RPUSD1: variants seen among roughly 807,000 people sequenced by gnomAD.
The protein encoded by RPUSD1 is pseudouridylate synthase RPUSD1.
A neutral mutation model predicts 22.4 loss-of-function variants in RPUSD1; 28 were observed. That is an observed-to-expected ratio of 1.25 (90% CI 0.93 to 1.72). The LOEUF is 1.72. Ranked by LOEUF, RPUSD1 falls within the 40% of genes most tolerant of loss-of-function variation. The pLI, the probability that RPUSD1 is intolerant of heterozygous loss-of-function variation, is 0.00. For missense variants in RPUSD1, 596 were observed against 442.2 expected, an observed-to-expected ratio of 1.35 and a Z score of -3.12; for synonymous variants, 298 against 201.0, an observed-to-expected ratio of 1.48 and a Z score of -4.08.
At chr16:787,924 G>A in intron 1 of RPUSD1, 180 bp from the exon 2 acceptor site, 3 of 624,948 alleles carry the variant, frequency 4.8e-6, no homozygotes, top group South Asian at 1.9e-5. Flanking sequence ...CGTCAGCTGG[G>A]GAGTCAAGGA....
chr16:787,789 GC>G (rs1461322144), intron 1 of RPUSD1, 45 bp from the exon 2 acceptor site: 2 of 1,579,878 alleles, frequency 1.3e-6, no homozygotes, highest in South Asian at 2.2e-5. Context: ...CACGTGGTGC[GC>G]CCCCAGCCCA....
rs1232195622 is a variant in RPUSD1 at position 787,603 on chromosome 16, C to T, written c.135G>A (p.Arg45=). Residue 45 remains arginine (R), a synonymous_variant, in exon 2 of 6, where the codon CGG becomes CGA. Coordinates refer to ENST00000007264, the MANE Select transcript of RPUSD1 (RefSeq NM_058192.3). The stretch of plus-strand genomic sequence containing the variant: ...GGTCGGCCAGCTCGGGAAAGCGGTA[C>T]CGCAGCTGCTTCTGCAGGGTCAGAG... ...RETLTLQKQL[R]YRFPELADPD... The T allele has an allele frequency of 1.4e-5, 22 of 1,611,452 alleles. No homozygotes were observed. The highest frequency in any genetic ancestry group is 5.3e-5 in the African/African-American group (4 of 74,952).
In RPUSD1 at chr16:787,429, G is replaced by A. The variant is rs745960697; in HGVS notation, c.231C>T (p.Ala77=). The change falls in exon 3 of 6, where the codon GCC becomes GCT. Residue 77 remains alanine (A), a synonymous_variant. Coordinates refer to ENST00000007264, the MANE Select transcript of RPUSD1 (RefSeq NM_058192.3). The part of the protein sequence containing the change: ...DFSTSGALCV[A]LNKAAAGSAY... The stretch of plus-strand genomic sequence containing the variant: ...CGCTGCCGGCGGCTGCCTTGTTTAG[G>A]GCCACGCACAGCGCCCCGCTGGTGG... 5.1e-6 allele frequency: 8 copies of A among 1,583,932 alleles called. 1 individual carries two copies. The highest frequency in any genetic ancestry group is 1.8e-5 in the Admixed American group (1 of 56,688).
In RPUSD1 at chr16:785,831, A is replaced by G. The variant is rs2041883320; in HGVS notation, c.*119T>C. 3.2e-6 allele frequency: 3 copies of G among 949,708 alleles called. No individual in the cohort carries two copies. Among genetic ancestry groups the G allele is most frequent in the African/African-American group, 3.4e-5 (2 of 59,050 alleles). The allele number at this position is 949,708 out of a possible 1,614,324, so 58.8% of individuals were successfully genotyped here. Reference sequence around the variant, plus strand: ...CTCGCAGGCCTGGCCGGGGCAACCCAGTGGGCCTGATGCTGCCTGGCACCT... The same window carrying G: ...CTCGCAGGCCTGGCCGGGGCAACCCGGTGGGCCTGATGCTGCCTGGCACCT... On this transcript the variant is annotated 3_prime_UTR_variant, in exon 6 of 6. Transcript: ENST00000007264.
rs1221536285 is a variant in RPUSD1 at position 785,358 on chromosome 16, C to G, written c.*592G>C. 1 of 152,802 alleles carries G rather than the reference C, an allele frequency of 6.5e-6. No homozygotes were observed. Among genetic ancestry groups the G allele is most frequent in the Non-Finnish European group, 1.5e-5 (1 of 68,522 alleles). 9.5% of individuals were successfully genotyped at this position (152,802 alleles called of 1,614,324 possible). ...AGGCACACGCAGCCGGGCCTGCAGACTCGAGCCCAGCAGGGACCATTAGGT... is the reference window on the plus strand; with the variant it reads ...AGGCACACGCAGCCGGGCCTGCAGAGTCGAGCCCAGCAGGGACCATTAGGT... On this transcript the variant is annotated 3_prime_UTR_variant, in exon 6 of 6. Coordinates refer to ENST00000007264, the MANE Select transcript of RPUSD1 (RefSeq NM_058192.3).
chr16:788,286 G>A lies in RPUSD1; in HGVS notation c.-38C>T. 1 of 250,042 alleles carries A rather than the reference G, an allele frequency of 4.0e-6. No homozygotes were observed. The highest frequency in any genetic ancestry group is 7.8e-6 in the Non-Finnish European group (1 of 128,044). The allele number at this position is 250,042 out of a possible 1,614,324, so 15.5% of individuals were successfully genotyped here. The stretch of plus-strand genomic sequence containing the variant: ...GCCGGGCCGTGCAGTCCAGGCCCCC[G>A]ATGCCGTGCCCGGCGCCGGCTCCAG... On this transcript the variant is annotated 5_prime_UTR_variant, in exon 1 of 6. Coordinates refer to ENST00000007264, the MANE Select transcript of RPUSD1 (RefSeq NM_058192.3).
In RPUSD1 at chr16:786,909, T is replaced by C. The variant is rs775156049; in HGVS notation, c.429A>G (p.Pro143=). 6.2e-7 allele frequency: 1 copy of C among 1,613,006 alleles called. No homozygotes were observed. The highest frequency in any genetic ancestry group is 1.1e-5 in the South Asian group (1 of 91,074). ...CCAGAACCACGAGATCTGTGAGGCT[T>C]GGCTTTGGGTTCTCACAACCTGGGG... The part of the protein sequence containing the change: ...EGSQGCENPK[P]SLTDLVVLEH... Residue 143 remains proline (P), a synonymous_variant, in exon 5 of 6, where the codon CCA becomes CCG. Transcript: ENST00000007264.
intron 5 of RPUSD1, 45 bp downstream of exon 5, chr16:786,782 G>A (rs1165428123): frequency 1.3e-6 from 2 of 1,518,380 alleles, no homozygotes; most frequent in South Asian, 1.1e-5. Context: ...CTGTGCCTCA[G>A]TTTCCCTTCT....
rs779083867 is a variant in RPUSD1, at chr16:787,548, C to G, written c.182+8G>C. 1 of 1,609,418 alleles carries G rather than the reference C, an allele frequency of 6.2e-7. No homozygotes were observed. The highest frequency in any genetic ancestry group is 8.5e-7 in the Non-Finnish European group (1 of 1,179,172). On this transcript the variant is annotated splice_region_variant and intron_variant, in intron 2 of 5. Transcript: ENST00000007264. ...ACGCCACCGTGGGGCTCCGGCCGCC[C>G]CCCCTACCTGAACCCGTAGCAGGTG... is the stretch of plus-strand genomic sequence containing the variant.
chr16:786,848 C>T lies in RPUSD1; in HGVS notation c.490G>A (p.Val164Met). The T allele has an allele frequency of 1.2e-6, 2 of 1,613,230 alleles. No individual in the cohort carries two copies. The highest frequency in any genetic ancestry group is 1.1e-5 in the South Asian group (1 of 91,080). ...GLYAGDPVSK[V>M]LLKPLTGRTH... ...ACACCCGTGAGCGGCTTCAGCAGCA[C>T]TTTGGAGACAGGATCGCCTGCGTAC... The change falls in exon 5 of 6, where the codon GTG becomes ATG. Residue 164 changes from valine to methionine, a missense_variant. Physicochemically the swap from Val to Met is conservative, Grantham distance 21 (BLOSUM62 1). Transcript: ENST00000007264.
chr16:785,297 C>T lies in RPUSD1; in HGVS notation c.*653G>A, dbSNP rs2041864167. 1 of 152,546 alleles carries T rather than the reference C, an allele frequency of 6.6e-6. No homozygotes were observed. The highest frequency in any genetic ancestry group is 2.4e-5 in the African/African-American group (1 of 41,480). 9.4% of individuals were successfully genotyped at this position (152,546 alleles called of 1,614,324 possible). The stretch of plus-strand genomic sequence containing the variant: ...CCAAACACCACACTGAGCTCAGAAT[C>T]CGGGCAGAGAGGGAACCACTGGTAC... On this transcript the variant is annotated 3_prime_UTR_variant, in exon 6 of 6. Transcript: ENST00000007264.
Position 786,224 on chromosome 16 carries a change from A to T in RPUSD1, c.665T>A (p.Val222Glu). ...YLRIPTDTEC[V>E]EVCTPDPFLP... is the part of the protein sequence containing the mutation. ...GAAGGGGTCAGGCGTGCAGACCTCCACACACTCGGTGTCCGTGGGGATGCG... is the reference window on the plus strand; with the variant it reads ...GAAGGGGTCAGGCGTGCAGACCTCCTCACACTCGGTGTCCGTGGGGATGCG... Residue 222 changes from valine (V) to glutamate (E), a missense_variant, in exon 6 of 6, where the codon GTG (valine) becomes GAG (glutamate). Transcript: ENST00000007264. 6.2e-7 allele frequency: 1 copy of T among 1,612,740 alleles called. No homozygotes were observed. Among genetic ancestry groups the T allele is most frequent in the Non-Finnish European group, 8.5e-7 (1 of 1,179,920 alleles).
rs377217102 is a variant in RPUSD1 at position 787,691 on chromosome 16, C to T, written c.47G>A (p.Arg16His). 2.5e-6 allele frequency: 4 copies of T among 1,612,052 alleles called. No homozygotes were observed. Among genetic ancestry groups the T allele is most frequent in the Non-Finnish European group, 3.4e-6 (4 of 1,179,928 alleles). Residue 16 changes from arginine to histidine, a missense_variant, in exon 2 of 6, where the codon CGC becomes CAC. By Grantham distance (29) the Arg-to-His change is conservative (BLOSUM62 0). Transcript: ENST00000007264. Reference protein sequence around the residue: ...VENLSIVYRSRDFLVVNKHWD... With the variant: ...VENLSIVYRSHDFLVVNKHWD... ...GTGCTTGTTGACCACCAGGAAGTCG[C>T]GGCTCCGGTACACGATGGACAGGTT...
Position 786,861 on chromosome 16 carries a change from A to G in RPUSD1, c.477T>C (p.Asp159=), listed in dbSNP as rs1486360495. 1.2e-6 allele frequency: 2 copies of G among 1,613,158 alleles called. No homozygotes were observed. The highest frequency in any genetic ancestry group is 8.5e-7 in the Non-Finnish European group (1 of 1,179,994). The change falls in exon 5 of 6, where the codon GAT becomes GAC. Residue 159 remains aspartate (D), a synonymous_variant. Coordinates refer to ENST00000007264, the MANE Select transcript of RPUSD1 (RefSeq NM_058192.3). ...VVLEHGLYAG[D]PVSKVLLKPL... ...GCTTCAGCAGCACTTTGGAGACAGG[A>G]TCGCCTGCGTACAGCCCGTGTTCCA...
At position 786,832 on chromosome 16, in the gene RPUSD1, AG is replaced by A; in HGVS notation, c.505del (p.Leu169SerfsTer23). On this transcript the variant is annotated frameshift_variant, in exon 5 of 6. Coordinates refer to ENST00000007264, the MANE Select transcript of RPUSD1 (RefSeq NM_058192.3). LOFTEE classifies it low-confidence loss of function (END_TRUNC). ...ACCGCCCACCCCAGACACACCCGTG[AG>A]CGGCTTCAGCAGCACTTTGGAGACA... ...DPVSKVLLKP[L>X]TGRTHQLRVH... is the part of the protein sequence containing the mutation. The A allele has an allele frequency of 6.2e-7, 1 of 1,612,246 alleles. No individual in the cohort carries two copies. Among genetic ancestry groups the A allele is most frequent in the Non-Finnish European group, 8.5e-7 (1 of 1,179,202 alleles).
intron 5 of RPUSD1, 54 bp from the exon 6 acceptor site, chr16:786,431 T>C: frequency 1.3e-6 from 2 of 1,543,644 alleles, no homozygotes; most frequent in Non-Finnish European, 1.8e-6. Flanking sequence ...GATCCACACC[T>C]ATCTCCCTGA....
Position 787,187 on chromosome 16 carries a change from A to T in RPUSD1, c.307-8T>A. 6.3e-7 allele frequency: 1 copy of T among 1,599,038 alleles called. No individual in the cohort carries two copies. The highest frequency in any genetic ancestry group is 1.1e-5 in the South Asian group (1 of 89,870). The stretch of plus-strand genomic sequence containing the variant: ...CTGGATGTGCCCCCGCAGCTGCAGG[A>T]GAGGGAGAATCGCACGCAGTTCACG... On this transcript the variant is annotated splice_polypyrimidine_tract_variant and splice_region_variant and intron_variant, in intron 3 of 5. Coordinates refer to ENST00000007264, the MANE Select transcript of RPUSD1 (RefSeq NM_058192.3).
At position 786,147 on chromosome 16, in the gene RPUSD1, C is replaced by A. The variant is rs750234985; in HGVS notation, c.742G>T (p.Asp248Tyr). 2.5e-6 allele frequency: 4 copies of A among 1,610,506 alleles called. No individual in the cohort carries two copies. The East Asian group carries it at 8.9e-5, about 36-fold the overall frequency. Reference sequence around the variant, plus strand: ...GCCCGTAAGGCCTGCACGAGCTGGTCCAGCGACTGCAGCAGTGTGTGGGGG... The same window carrying A: ...GCCCGTAAGGCCTGCACGAGCTGGTACAGCGACTGCAGCAGTGTGTGGGGG... ...WSPHTLLQSLDQLVQALRATP... is the reference protein window; with the variant it reads ...WSPHTLLQSLYQLVQALRATP... The change falls in exon 6 of 6, where the codon GAC becomes TAC. Residue 248 changes from aspartate (D) to tyrosine (Y), a missense_variant. Physicochemically the swap from Asp to Tyr is radical, Grantham distance 160. Coordinates refer to ENST00000007264, the MANE Select transcript of RPUSD1 (RefSeq NM_058192.3).
Position 785,908 on chromosome 16 carries a change from C to A in RPUSD1, c.*42G>T, listed in dbSNP as rs1353199315. ...GCTCGCTCGCCCATCTCCCTAGAGT[C>A]CCGCTGTGCAGCTGACACCCCCTGC... On this transcript the variant is annotated 3_prime_UTR_variant, in exon 6 of 6. Coordinates refer to ENST00000007264, the MANE Select transcript of RPUSD1 (RefSeq NM_058192.3). 7 of 1,407,186 alleles carry A rather than the reference C, an allele frequency of 5.0e-6. No homozygotes were observed. Among genetic ancestry groups the A allele is most frequent in the Non-Finnish European group, 6.5e-6 (7 of 1,078,618 alleles). 87.2% of individuals were successfully genotyped at this position (1,407,186 alleles called of 1,614,324 possible).
Sources: gnomAD v4.1 joint callset for allele counts on GRCh38, gnomAD v4.1.1 for gene constraint, MANE v1.5 for transcripts, NCBI Gene and HGNC (gene_info 2026-07-23, HGNC 2026-07-21) for gene names.